FRRS1: variants seen among roughly 807,000 people sequenced by gnomAD.
The protein encoded by FRRS1 is ferric chelate reductase 1, also known as ferric reductase 1.
Under a neutral mutation model 70.7 loss-of-function variants are expected in FRRS1, and 51 were observed. The observed-to-expected ratio is 0.72, with a 90% CI of 0.58 to 0.91. The LOEUF is 0.91. Ranked by LOEUF, FRRS1 falls within the 40% of genes least tolerant of loss-of-function variation. The pLI is 0.00. For synonymous variants in FRRS1, 225 were observed against 238.7 expected, an observed-to-expected ratio of 0.94 and a Z score of 0.53; for missense variants, 672 against 726.0, an observed-to-expected ratio of 0.93 and a Z score of 0.86.
chr1:99,760,783 G>A (rs1657079476), intron 1 of FRRS1, among the ~76,000 whole-genome samples: 1 of 152,076 alleles, frequency 6.6e-6, no homozygotes, highest in Non-Finnish European at 1.5e-5. Context: ...CCAAGTAGCT[G>A]GGATTACAGG....
chr1:99,715,564 A>C (rs1654476762), intron 12 of FRRS1, 22 bp downstream of exon 12: 2 of 1,380,826 alleles, frequency 1.4e-6, no homozygotes, highest in Non-Finnish European at 2.0e-6. Flanking sequence ...TATAAAAAAA[A>C]CCCTATTTAA....
rs1179193055 is a variant in FRRS1 at position 99,738,187 on chromosome 1, C to T, written c.658G>A (p.Val220Ile). The T allele has an allele frequency of 1.9e-6, 3 of 1,613,810 alleles. No individual in the cohort carries two copies. The highest frequency in any genetic ancestry group is 2.5e-6 in the Non-Finnish European group (3 of 1,179,724). ...NCDPEKEASC[V>I]FLSFTRDDQS... Reference sequence around the variant, plus strand: ...TCATCTCTTGTGAAGGACAAGAAGACACAGGAAGCCTCCTTCTCTGGGTCA... The same window carrying T: ...TCATCTCTTGTGAAGGACAAGAAGATACAGGAAGCCTCCTTCTCTGGGTCA... The change falls in exon 7 of 17, where the codon GTC (valine) becomes ATC (isoleucine). Residue 220 changes from valine (V) to isoleucine (I), a missense_variant. Val to Ile is a conservative substitution (Grantham distance 29). Transcript: ENST00000646001.
At chr1:99,721,759 C>T (rs543428164) in intron 9 of FRRS1, among the ~76,000 whole-genome samples, 89 of 151,868 alleles carry the variant, frequency 5.9e-4, no homozygotes, top group African/African-American at 1.9e-3. Context: ...CCACTGCACC[C>T]GGCTAATTTT....
intron 1 of FRRS1, among the ~76,000 whole-genome samples, chr1:99,763,330 T>C (rs925876871): frequency 6.6e-6 from 1 of 152,064 alleles, no homozygotes; most frequent in Admixed American, 6.5e-5. Flanking sequence ...TAAAAATAAA[T>C]GTTACACTGA....
chr1:99,753,613 C>CA (rs999261322), intron 1 of FRRS1, among the ~76,000 whole-genome samples: 2 of 151,330 alleles, frequency 1.3e-5, no homozygotes, highest in African/African-American at 2.4e-5. Context: ...TAAAAAAATA[C>CA]AAAAAAAATT....
intron 1 of FRRS1, chr1:99,765,893 A>G (rs1571168952): frequency 1.3e-5 from 2 of 152,238 alleles, no homozygotes; most frequent in Non-Finnish European, 2.9e-5. Flanking sequence ...GGACAGAGCG[A>G]GACTCCGTCT....
At chr1:99,737,173 T>C (rs141455389) in intron 7 of FRRS1, among the ~76,000 whole-genome samples, 2 of 152,182 alleles carry the variant, frequency 1.3e-5, no homozygotes, top group South Asian at 2.1e-4. Flanking sequence ...AAGCGAGATG[T>C]TTATGCAGGC....
In FRRS1 at chr1:99,728,594, TG is replaced by T; in HGVS notation, c.904del (p.Gln302SerfsTer19). On this transcript the variant is annotated frameshift_variant, in exon 9 of 17. Transcript: ENST00000646001. LOFTEE classifies it high-confidence loss of function. ...GGTAATGTTTCTTCTGAAAGAACAC[TG>T]CATAACACCGTCCGCCAACCTCCAA... is the stretch of plus-strand genomic sequence containing the variant. ...MAWRLADGVMQCSFRRNITLP... is the reference protein window; with the variant it reads ...MAWRLADGVMXCSFRRNITLP... 1 of 1,614,016 alleles carries T rather than the reference TG, an allele frequency of 6.2e-7. No homozygotes were observed. The highest frequency in any genetic ancestry group is 8.5e-7 in the Non-Finnish European group (1 of 1,179,882).
chr1:99,710,605 A>G (rs1029133877), intron 15 of FRRS1, among the ~76,000 whole-genome samples: 1 of 152,228 alleles, frequency 6.6e-6, no homozygotes, highest in African/African-American at 2.4e-5. Context: ...CCTTTCCTTT[A>G]TATCTTATTC....
intron 1 of FRRS1, among the ~76,000 whole-genome samples, chr1:99,749,269 G>A (rs144220249): frequency 7.4e-4 from 112 of 152,182 alleles, no homozygotes; most frequent in African/African-American, 1.6e-3. Context: ...TAGGTGATCC[G>A]CCCACCTTGG....
In FRRS1 at chr1:99,707,320, A is replaced by G. The variant is rs1451067863; in HGVS notation, c.*1708T>C. 6.6e-6 allele frequency among the ~76,000 whole-genome samples: 1 copy of G among 152,122 alleles called. No homozygotes were observed. The highest frequency in any genetic ancestry group is 1.5e-5 in the Non-Finnish European group (1 of 68,022). On this transcript the variant is annotated 3_prime_UTR_variant, in exon 17 of 17. Coordinates refer to ENST00000646001, the MANE Select transcript of FRRS1 (RefSeq NM_001361041.2). Reference sequence around the variant, plus strand: ...GGCTACATAGCTGAGGCTATTATTCACACCATATAGAAATTAGGTTCTCGG... The same window carrying G: ...GGCTACATAGCTGAGGCTATTATTCGCACCATATAGAAATTAGGTTCTCGG...
rs1216929532 is a variant in FRRS1, at chr1:99,711,684, TCCTGACTTTTGAAAACCACCCTGC to T, written c.1480+397_1480+420del. Among the ~76,000 whole-genome samples, 10 of 152,282 alleles carry T rather than the reference TCCTGACTTTTGAAAACCACCCTGC, an allele frequency of 6.6e-5. No homozygotes were observed. The South Asian group carries it at 2.1e-3, about 32-fold the overall frequency. Reference sequence around the variant, plus strand: ...GTATCAAAATATGCTGCATAAGTATTCCTGACTTTTGAAAACCACCCTGCCCTGGAAGATACAAGCCCCATGGAA... The same window carrying T: ...GTATCAAAATATGCTGCATAAGTATTCCTGGAAGATACAAGCCCCATGGAA... On this transcript the variant is annotated intron_variant, in intron 14 of 16. Coordinates refer to ENST00000646001, the MANE Select transcript of FRRS1 (RefSeq NM_001361041.2).
rs140717348 is a variant in FRRS1, at chr1:99,749,718, G to A, written c.-105-717C>T. 9.9e-5 allele frequency among the ~76,000 whole-genome samples: 15 copies of A among 152,254 alleles called. No homozygotes were observed. The East Asian group carries it at 2.3e-3, about 24-fold the overall frequency. ...CCACACAATCTTCTTCCCTCCCACA[G>A]CTCCAATCTTCCTCTTAGCATCTGG... On this transcript the variant is annotated intron_variant, in intron 1 of 16. Transcript: ENST00000646001.
At chr1:99,765,136 C>A (rs977162042) in intron 1 of FRRS1, among the ~76,000 whole-genome samples, 4 of 152,158 alleles carry the variant, frequency 2.6e-5, no homozygotes, top group African/African-American at 9.7e-5. Context: ...GAGTACACTT[C>A]ACCAAAAAAA....
In FRRS1 at chr1:99,710,828, A is replaced by G. The variant is rs373802365; in HGVS notation, c.1602T>C (p.His534=). ...TACCTTTGCGAGAGAGCCGATAAGCATGTACCTCCAGAACAACCTCAGTCC... is the reference window on the plus strand; with the variant it reads ...TACCTTTGCGAGAGAGCCGATAAGCGTGTACCTCCAGAACAACCTCAGTCC... ...HVGTEVVLEV[H]AYRLSRKVEI... The change falls in exon 15 of 17, where the codon CAT becomes CAC. Residue 534 remains histidine, a synonymous_variant. Transcript: ENST00000646001. The G allele has an allele frequency of 6.2e-7, 1 of 1,613,930 alleles. No individual in the cohort carries two copies. The highest frequency in any genetic ancestry group is 8.5e-7 in the Non-Finnish European group (1 of 1,179,968).
intron 6 of FRRS1, among the ~76,000 whole-genome samples, chr1:99,738,877 C>A (rs118015395): frequency 6.6e-6 from 1 of 152,006 alleles, no homozygotes; most frequent in Non-Finnish European, 1.5e-5. Flanking sequence ...AAGCAACAAT[C>A]GGATGACTTA....
intron 7 of FRRS1, among the ~76,000 whole-genome samples, chr1:99,734,730 G>C (rs6577123): frequency 0.49 from 75,127 of 152,078 alleles, 22,564 homozygotes; most frequent in African/African-American, 0.85. Context: ...ACAATGGTAG[G>C]TGCTTTCCTA....
chr1:99,711,019 T>A, intron 14 of FRRS1, 70 bp from the exon 15 acceptor site: 1 of 1,343,388 alleles, frequency 7.4e-7, no homozygotes, highest in Non-Finnish European at 1.0e-6. Flanking sequence ...TGTTTGTGTA[T>A]GTGTATTATC....
intron 9 of FRRS1, among the ~76,000 whole-genome samples, chr1:99,720,197 T>C (rs1250445649): frequency 3.3e-5 from 5 of 152,168 alleles, no homozygotes; most frequent in Non-Finnish European, 7.4e-5. Context: ...AGTAGTGACA[T>C]AAGCAAATTA....
Sources: allele counts gnomAD v4.1 joint callset (sites outside exome capture counted in the v4.1 genomes callset), GRCh38; gene constraint gnomAD v4.1.1; transcripts MANE v1.5; gene names NCBI Gene and HGNC (gene_info 2026-07-23, HGNC 2026-07-21).